The following CGNL1 variants were observed in gnomAD, a reference collection of about 807,000 sequenced individuals.
CGNL1 encodes cingulin-like protein 1.
In CGNL1, 132 loss-of-function variants were observed where a neutral mutation model predicts 141.2. The ratio of observed to expected loss-of-function variants is 0.93; its 90% confidence interval spans 0.81 to 1.08. The LOEUF is 1.08. Ranked by LOEUF, CGNL1 falls within the 50% of genes least tolerant of loss-of-function variation. CGNL1 has a pLI of 0.00. For synonymous variants in CGNL1, 690 were observed against 622.1 expected, an observed-to-expected ratio of 1.11 and a Z score of -1.63; for missense variants, 1,870 against 1,588.6, an observed-to-expected ratio of 1.18 and a Z score of -3.01.
rs749671500 is a variant in CGNL1 at position 57,528,721 on chromosome 15, A to G, written c.3107A>G (p.Gln1036Arg). 4 of 1,614,182 alleles carry G rather than the reference A, an allele frequency of 2.5e-6. No homozygotes were observed. The highest frequency in any genetic ancestry group is 3.4e-6 in the Non-Finnish European group (4 of 1,180,026). Residue 1036 changes from glutamine (Q) to arginine (R), a missense_variant, in exon 13 of 19, where the codon CAG (glutamine) becomes CGG (arginine). By Grantham distance (43) the Gln-to-Arg change is conservative. Coordinates refer to ENST00000281282, the MANE Select transcript of CGNL1 (RefSeq NM_032866.5). ...RAQDEALTKRQLLEQTLKDLE... is the reference protein window; with the variant it reads ...RAQDEALTKRRLLEQTLKDLE... ...CAGGATGAAGCACTCACAAAAAGGC[A>G]GCTTCTGGAGCAGACGCTGAAGGAC...
chr15:57,420,696 A>G (rs894791767), intron 1 of CGNL1, among the ~76,000 whole-genome samples: 1 of 152,164 alleles, frequency 6.6e-6, no homozygotes, highest in African/African-American at 2.4e-5. Context: ...ATGTTTTTCT[A>G]TCACCTCCTT....
At chr15:57,409,417 A>G (rs2062760874) in intron 1 of CGNL1, among the ~76,000 whole-genome samples, 1 of 152,242 alleles carries the variant, frequency 6.6e-6, no homozygotes, top group Non-Finnish European at 1.5e-5. Flanking sequence ...CTGAAGTACA[A>G]ATTTGAAAAG....
At chr15:57,452,588 A>T (rs1199883951) in intron 6 of CGNL1, among the ~76,000 whole-genome samples, 3 of 152,214 alleles carry the variant, frequency 2.0e-5, no homozygotes, top group African/African-American at 4.8e-5. Context: ...CTGAGCGCTG[A>T]TACTGAAAGA....
chr15:57,420,308 G>A (rs2062899453), intron 1 of CGNL1, among the ~76,000 whole-genome samples: 1 of 152,132 alleles, frequency 6.6e-6, no homozygotes, highest in South Asian at 2.1e-4. Context: ...AGCCAAAAGA[G>A]CAAGAAAACA....
At chr15:57,492,996 C>G (rs2063887878) in intron 8 of CGNL1, among the ~76,000 whole-genome samples, 1 of 152,206 alleles carries the variant, frequency 6.6e-6, no homozygotes. Flanking sequence ...ATCTGTCCTT[C>G]TGCACGTGGG....
chr15:57,389,062 G>A lies in CGNL1; in HGVS notation c.-16+12495G>A, dbSNP rs564769933. On this transcript the variant is annotated intron_variant, in intron 1 of 18. Coordinates refer to ENST00000281282, the MANE Select transcript of CGNL1 (RefSeq NM_032866.5). ...CTTTTTAAATTTAAATTTTGGGCACGAGGGGATGTCAACTACCCTTTAAAA... is the reference window on the plus strand; with the variant it reads ...CTTTTTAAATTTAAATTTTGGGCACAAGGGGATGTCAACTACCCTTTAAAA... 3.3e-5 allele frequency among the ~76,000 whole-genome samples: 5 copies of A among 152,014 alleles called. No individual in the cohort carries two copies. The South Asian group carries it at 1.0e-3, about 32-fold the overall frequency.
At position 57,452,214 on chromosome 15, in the gene CGNL1, A is replaced by G. The variant is rs1595718820; in HGVS notation, c.1979A>G (p.Glu660Gly). 6.2e-7 allele frequency: 1 copy of G among 1,613,952 alleles called. No homozygotes were observed. Among genetic ancestry groups the G allele is most frequent in the Non-Finnish European group, 8.5e-7 (1 of 1,179,900 alleles). ...GAAGAGCTCCGAAGCCAACACAACG[A>G]AAAGGTGGAGGAGAACTCCACATTG... ...NLEELRSQHNEKVEENSTLQQ... is the reference protein window; with the variant it reads ...NLEELRSQHNGKVEENSTLQQ... The change falls in exon 6 of 19, where the codon GAA (glutamate) becomes GGA (glycine). Residue 660 changes from glutamate to glycine, a missense_variant. Glu to Gly is a moderately conservative substitution (Grantham distance 98). Coordinates refer to ENST00000281282, the MANE Select transcript of CGNL1 (RefSeq NM_032866.5).
Position 57,376,542 on chromosome 15 carries a change from G to C in CGNL1, c.-41G>C, listed in dbSNP as rs1307423644. ...GGCTCTGCTGGCTGCGGCGGGAGCT[G>C]GACGCGGGAGGAGGCGGCGGCGGCG... On this transcript the variant is annotated 5_prime_UTR_variant, in exon 1 of 19. Transcript: ENST00000281282. 6.5e-6 allele frequency: 1 copy of C among 152,754 alleles called. No individual in the cohort carries two copies. The highest frequency in any genetic ancestry group is 2.4e-5 in the African/African-American group (1 of 41,320). 9.5% of individuals were successfully genotyped at this position (152,754 alleles called of 1,614,324 possible). A position where few individuals can be genotyped will look rare whatever the true frequency, so the allele number is the denominator to read the frequency against.
At position 57,380,125 on chromosome 15, in the gene CGNL1, C is replaced by T. The variant is rs563419363; in HGVS notation, c.-16+3558C>T. Among the ~76,000 whole-genome samples the T allele has an allele frequency of 4.6e-5, 7 of 152,296 alleles. No homozygotes were observed. The South Asian group carries it at 1.2e-3, about 27-fold the overall frequency. ...TCAGCTCACTGCAACCTCCGCCTCC[C>T]GGGTTAAAGCAATCCTCCCTGCCTC... On this transcript the variant is annotated intron_variant, in intron 1 of 18. Transcript: ENST00000281282.
In CGNL1 at chr15:57,408,785, C is replaced by G. The variant is rs113565244; in HGVS notation, c.-15-29200C>G. On this transcript the variant is annotated intron_variant, in intron 1 of 18. Coordinates refer to ENST00000281282, the MANE Select transcript of CGNL1 (RefSeq NM_032866.5). ...ACACAGTGGCTCATGCCTGTAATCC[C>G]AGCACTTTGGGAGGCCGAGGCAGCG... Among the ~76,000 whole-genome samples the G allele has an allele frequency of 1.9e-3, 282 of 152,182 alleles. 1 individual carries two copies. The highest frequency in any genetic ancestry group is 6.3e-3 in the African/African-American group (262 of 41,524).
At chr15:57,485,764 C>T (rs762398255) in intron 8 of CGNL1, among the ~76,000 whole-genome samples, 4 of 152,148 alleles carry the variant, frequency 2.6e-5, no homozygotes, top group Admixed American at 6.5e-5. Flanking sequence ...TTGACACCAC[C>T]TTTTTCCTCT....
chr15:57,523,459 A>G, intron 10 of CGNL1, 30 bp from the exon 11 acceptor site: 4 of 1,612,778 alleles, frequency 2.5e-6, no homozygotes, highest in Non-Finnish European at 3.4e-6. Flanking sequence ...TTAGTAGGTG[A>G]CAGCACTGTC....
chr15:57,546,218 A>G lies in CGNL1; in HGVS notation c.3752A>G (p.Asn1251Ser), dbSNP rs755669137. Residue 1251 changes from asparagine (N) to serine (S), a missense_variant, in exon 18 of 19, where the codon AAC becomes AGC. Transcript: ENST00000281282. ...DMNEHLQGQL[N>S]SMKKDLRLKK... is the part of the protein sequence containing the mutation. Reference sequence around the variant, plus strand: ...AATGAGCATCTGCAGGGGCAGCTCAACTCCATGAAGAAGGACTTAAGGTGG... The same window carrying G: ...AATGAGCATCTGCAGGGGCAGCTCAGCTCCATGAAGAAGGACTTAAGGTGG... 4 of 1,591,156 alleles carry G rather than the reference A, an allele frequency of 2.5e-6. No individual in the cohort carries two copies. Among genetic ancestry groups the G allele is most frequent in the Admixed American group, 1.8e-5 (1 of 56,556 alleles).
chr15:57,479,485 G>T (rs1219023069), intron 8 of CGNL1, among the ~76,000 whole-genome samples: 10 of 152,010 alleles, frequency 6.6e-5, no homozygotes, highest in Admixed American at 6.6e-4. Context: ...CCAACACTGT[G>T]AAACCCTGTC....
intron 8 of CGNL1, among the ~76,000 whole-genome samples, chr15:57,491,491 G>A (rs1595760422): frequency 6.6e-6 from 1 of 152,220 alleles, no homozygotes; most frequent in African/African-American, 2.4e-5. Flanking sequence ...TCATCTTTAT[G>A]CACAGCTTCT....
In CGNL1 at chr15:57,378,467, G is replaced by C. The variant is rs141598372; in HGVS notation, c.-16+1900G>C. Among the ~76,000 whole-genome samples the C allele has an allele frequency of 5.2e-3, 716 of 136,504 alleles. 4 individuals carry two copies. The highest frequency in any genetic ancestry group is 0.019 in the African/African-American group (687 of 36,066). 89.6% of individuals were successfully genotyped at this position (136,504 alleles called of 152,430 possible). ...TGCAATCTCAGCTTACGGCAGCCTC[G>C]GCCTCCCTGGTTCAAATGATTCTCC... On this transcript the variant is annotated intron_variant, in intron 1 of 18. Coordinates refer to ENST00000281282, the MANE Select transcript of CGNL1 (RefSeq NM_032866.5).
At chr15:57,384,031 C>G (rs1264397808) in intron 1 of CGNL1, among the ~76,000 whole-genome samples, 1 of 121,304 alleles carries the variant, frequency 8.2e-6, no homozygotes, top group African/African-American at 3.1e-5. Flanking sequence ...CCCTAACAGT[C>G]TGTGCTGCCT....
intron 1 of CGNL1, among the ~76,000 whole-genome samples, chr15:57,381,884 T>C (rs1479233963): frequency 6.6e-6 from 1 of 152,136 alleles, no homozygotes; most frequent in Non-Finnish European, 1.5e-5. Flanking sequence ...CCAAGGGAAA[T>C]TTATGGACTG....
chr15:57,495,312 C>A (rs1261778253), intron 8 of CGNL1, among the ~76,000 whole-genome samples: 2 of 152,122 alleles, frequency 1.3e-5, no homozygotes, highest in Non-Finnish European at 2.9e-5. Context: ...GGTCTCATTA[C>A]CAGCATCTTG....
Sources: allele counts gnomAD v4.1 joint callset (sites outside exome capture counted in the v4.1 genomes callset), GRCh38; gene constraint gnomAD v4.1.1; transcripts MANE v1.5; gene names NCBI Gene and HGNC (gene_info 2026-07-23, HGNC 2026-07-21).